The following CADPS variants were observed in gnomAD, a reference collection of about 807,000 sequenced individuals.
The protein encoded by CADPS is calcium-dependent secretion activator 1.
CADPS carries 57 observed loss-of-function variants against 167.3 expected under a neutral mutation model. The observed-to-expected ratio is 0.34, with a 90% CI of 0.28 to 0.42. The LOEUF is 0.42. CADPS is among the 20% of genes least tolerant of loss of function. The pLI is 1.00. For missense variants in CADPS, 1,414 were observed against 1,738.1 expected (o/e 0.81, Z 3.32); for synonymous variants, 676 against 635.3 (o/e 1.06, Z -0.96).
chr3:62,595,007 C>T (rs1016722039), intron 6 of CADPS, among the ~76,000 whole-genome samples: 11 of 151,886 alleles, frequency 7.2e-5, no homozygotes, highest in African/African-American at 2.7e-4. Context: ...AACATTTTAC[C>T]CTGTTTGTTG....
intron 6 of CADPS, among the ~76,000 whole-genome samples, chr3:62,611,843 C>T (rs937835108): frequency 6.6e-6 from 1 of 152,190 alleles, no homozygotes; most frequent in Non-Finnish European, 1.5e-5. Context: ...AAGGCAAAGT[C>T]TTCCCTAGCA....
chr3:62,479,086 C>G (rs913148608), intron 22 of CADPS, among the ~76,000 whole-genome samples: 1 of 152,124 alleles, frequency 6.6e-6, no homozygotes, highest in Admixed American at 6.5e-5. Flanking sequence ...TGAGGTGAGT[C>G]GAGACAGTGG....
intron 3 of CADPS, among the ~76,000 whole-genome samples, chr3:62,683,566 A>G (rs761262976): frequency 7.9e-5 from 12 of 152,220 alleles, no homozygotes; most frequent in Non-Finnish European, 1.5e-4. Context: ...TCATGTTACC[A>G]TGGCACATTT....
At chr3:62,746,862 T>C (rs760965524) in intron 3 of CADPS, among the ~76,000 whole-genome samples, 5 of 152,192 alleles carry the variant, frequency 3.3e-5, no homozygotes, top group Non-Finnish European at 7.3e-5. Flanking sequence ...ACAGACGACC[T>C]GGCTAAGTCA....
intron 3 of CADPS, among the ~76,000 whole-genome samples, chr3:62,749,324 A>C (rs2082196595): frequency 6.6e-6 from 1 of 152,198 alleles, no homozygotes; most frequent in Non-Finnish European, 1.5e-5. Context: ...GTCATTTCTC[A>C]TTTGAGATAA....
intron 23 of CADPS, among the ~76,000 whole-genome samples, chr3:62,476,435 T>G (rs2061337733): frequency 6.6e-6 from 1 of 152,188 alleles, no homozygotes; most frequent in South Asian, 2.1e-4. Flanking sequence ...TCAGGAAATT[T>G]AAGTGTCCAG....
In CADPS at chr3:62,743,438, C is replaced by A. The variant is rs183964053; in HGVS notation, c.888+10003G>T. On this transcript the variant is annotated intron_variant, in intron 3 of 29. Coordinates refer to ENST00000383710, the MANE Select transcript of CADPS (RefSeq NM_003716.4). Reference sequence around the variant, plus strand: ...TCACAAAGCCTAAAATATTTACCAACTCCTAGTTTATTTATTAACTGAAAA... The same window carrying A: ...TCACAAAGCCTAAAATATTTACCAAATCCTAGTTTATTTATTAACTGAAAA... 5.6e-3 allele frequency among the ~76,000 whole-genome samples: 851 copies of A among 152,278 alleles called. 37 individuals are homozygous for A. The South Asian group carries it at 0.11, about 20-fold the overall frequency.
intron 3 of CADPS, among the ~76,000 whole-genome samples, chr3:62,666,724 C>T (rs1432088460): frequency 2.6e-5 from 4 of 152,114 alleles, no homozygotes; most frequent in Non-Finnish European, 5.9e-5. Flanking sequence ...TAAGTGTAGA[C>T]AGGTATTGCC....
In CADPS at chr3:62,420,662, G is replaced by A. The variant is rs1448536566; in HGVS notation, c.3777+17442C>T. 1.3e-5 allele frequency among the ~76,000 whole-genome samples: 2 copies of A among 152,106 alleles called. No individual in the cohort carries two copies. Among genetic ancestry groups the A allele is most frequent in the African/African-American group, 4.8e-5 (2 of 41,410 alleles). On this transcript the variant is annotated intron_variant, in intron 28 of 29. Transcript: ENST00000383710. This position sits in a 1 kb window ranked among gnomAD's most constrained non-coding sequence, Gnocchi z 4.1. ...CTAGAAAACAGGTTCTGATGCCTGG[G>A]GCCCAGGAATGAGGAAAATAAAGAC...
At chr3:62,847,260 TC>T (rs1460365675) in intron 1 of CADPS, among the ~76,000 whole-genome samples, 63 of 109,354 alleles carry the variant, frequency 5.8e-4, no homozygotes, top group African/African-American at 1.7e-3. Flanking sequence ...AGCAGCATTT[TC>T]TTTTTTTTTT....
chr3:62,599,137 T>G (rs1204601578), intron 6 of CADPS, among the ~76,000 whole-genome samples: 2 of 152,050 alleles, frequency 1.3e-5, no homozygotes, highest in East Asian at 3.9e-4. Context: ...GCATTTTGAT[T>G]TGAAAAGACC....
intron 6 of CADPS, among the ~76,000 whole-genome samples, chr3:62,593,409 C>T (rs553112503): frequency 4.6e-5 from 7 of 152,294 alleles, no homozygotes; most frequent in South Asian, 2.1e-4. Flanking sequence ...GCACCAGGTG[C>T]GGCTCACATG....
chr3:62,704,941 A>G (rs535076769), intron 3 of CADPS, among the ~76,000 whole-genome samples: 7 of 152,114 alleles, frequency 4.6e-5, no homozygotes, highest in East Asian at 3.9e-4. Flanking sequence ...AATGCCCCCA[A>G]TGGAGTCAAC....
intron 6 of CADPS, among the ~76,000 whole-genome samples, chr3:62,629,817 C>T (rs1251344523): frequency 6.7e-6 from 1 of 148,796 alleles, no homozygotes; most frequent in Non-Finnish European, 1.5e-5. Flanking sequence ...AAGCTTTTTC[C>T]CATCTTGGGG....
intron 12 of CADPS, 132 bp downstream of exon 12, chr3:62,536,313 A>C: frequency 1.3e-6 from 1 of 766,698 alleles, no homozygotes; most frequent in South Asian, 2.1e-5. Context: ...AACCCAGGAA[A>C]TCGGGAACAC....
intron 1 of CADPS, among the ~76,000 whole-genome samples, chr3:62,781,200 C>T (rs1307349527): frequency 6.6e-6 from 1 of 152,130 alleles, no homozygotes; most frequent in Admixed American, 6.6e-5. Context: ...CTAGGGCAGA[C>T]TCCACAATCT....
At position 62,416,474 on chromosome 3, in the gene CADPS, G is replaced by A. The variant is rs147944037; in HGVS notation, c.3778-13289C>T. Among the ~76,000 whole-genome samples the A allele has an allele frequency of 4.0e-3, 615 of 152,264 alleles. 5 individuals carry two copies. The highest frequency in any genetic ancestry group is 0.024 in the Middle Eastern group (7 of 294). ...CTTGGACTGGAAAGCTCCAAATAGA[G>A]TCGACTCCTCTCTTTGTCTAGAATA... On this transcript the variant is annotated intron_variant, in intron 28 of 29. Coordinates refer to ENST00000383710, the MANE Select transcript of CADPS (RefSeq NM_003716.4).
In CADPS at chr3:62,847,261, CTTTTTTT is replaced by C. The variant is rs202175985; in HGVS notation, c.441+27321_441+27327del. ...AGTTACCAAATCCCAGCAGCATTTT[CTTTTTTT>C]TTTTTTTTTTAACTTTTTTTTTTTT... On this transcript the variant is annotated intron_variant, in intron 1 of 29. Transcript: ENST00000383710. 4.7e-3 allele frequency among the ~76,000 whole-genome samples: 626 copies of C among 133,050 alleles called. 6 individuals are homozygous for C. The highest frequency in any genetic ancestry group is 0.018 in the African/African-American group (597 of 34,034). The allele number at this position is 133,050 out of a possible 152,430, so 87.3% of individuals were successfully genotyped here.
rs775583072 is a variant in CADPS at position 62,403,100 on chromosome 3, G to A, written c.3863C>T (p.Thr1288Ile). 4.4e-6 allele frequency: 7 copies of A among 1,606,236 alleles called. No homozygotes were observed. The East Asian group carries it at 1.6e-4, about 36-fold the overall frequency. The change falls in exon 29 of 30, where the codon ACA (threonine) becomes ATA (isoleucine). Residue 1288 changes from threonine (T) to isoleucine (I), a missense_variant. Thr to Ile is a moderately conservative substitution (Grantham distance 89). Transcript: ENST00000383710. ...TTTTACCTTTACCATCCTAATTAGTGTTTTCAACTGATAAATATGAAGCTG... is the reference window on the plus strand; with the variant it reads ...TTTTACCTTTACCATCCTAATTAGTATTTTCAACTGATAAATATGAAGCTG... Reference protein sequence around the residue: ...DLQLHIYQLKTLIRMVKKTYR... With the variant: ...DLQLHIYQLKILIRMVKKTYR...
Sources: gnomAD v4.1 joint callset for allele counts (sites outside exome capture counted in the v4.1 genomes callset) on GRCh38, gnomAD v4.1.1 for gene constraint, Gnocchi (gnomAD v3.1) non-coding constraint, MANE v1.5 for transcripts, NCBI Gene and HGNC (gene_info 2026-07-23, HGNC 2026-07-21) for gene names.